The following CTSZ variants were observed in gnomAD, a reference collection of about 807,000 sequenced individuals.
CTSZ encodes cathepsin Z.
Under a neutral mutation model 32.4 loss-of-function variants are expected in CTSZ, and 39 were observed. The ratio of observed to expected loss-of-function variants is 1.20; its 90% CI spans 0.93 to 1.57. CTSZ has a LOEUF of 1.57. Among genes scored for constraint, CTSZ ranks in the 40% most tolerant of loss-of-function variants. CTSZ has a pLI of 0.00. For missense variants in CTSZ, 397 were observed against 419.6 expected (o/e 0.95, Z 0.47); for synonymous variants, 168 against 170.1 (o/e 0.99, Z 0.10).
chr20:59,002,266 C>T lies in CTSZ; in HGVS notation c.308-622G>A, dbSNP rs916145215. ...CTGGGCTCTAAATCCCAAGGTGCAG[C>T]CAGGGACAGCTCAGGGTGGTCACCG... On this transcript the variant is annotated intron_variant, in intron 2 of 5. Transcript: ENST00000217131. The surrounding 1 kb of genome is among the most constrained non-coding windows in gnomAD (Gnocchi z 4.1). Among the ~76,000 whole-genome samples the T allele has an allele frequency of 6.6e-5, 10 of 152,168 alleles. No individual in the cohort carries two copies. The highest frequency in any genetic ancestry group is 6.5e-4 in the Admixed American group (10 of 15,290).
chr20:58,999,180 C>T (rs903405736), intron 3 of CTSZ, among the ~76,000 whole-genome samples: 39 of 152,012 alleles, frequency 2.6e-4, no homozygotes, highest in African/African-American at 8.5e-4. Flanking sequence ...GGATTACAGG[C>T]GCATGCCACC....
At position 59,001,194 on chromosome 20, in the gene CTSZ, G is replaced by A. The variant is rs531833967; in HGVS notation, c.487+271C>T. ...CGTTGGGCTTCTCAACAGGGACTAC[G>A]GGGTCCAGTTTTCTGATCCCCAGCC... is the stretch of plus-strand genomic sequence containing the variant. On this transcript the variant is annotated intron_variant, in intron 3 of 5. Coordinates refer to ENST00000217131, the MANE Select transcript of CTSZ (RefSeq NM_001336.4). Among the ~76,000 whole-genome samples the A allele has an allele frequency of 9.2e-5, 14 of 152,294 alleles. No individual in the cohort carries two copies. In the South Asian group the frequency reaches 1.2e-3, roughly 14 times the overall value.
chr20:59,006,542 C>T, intron 1 of CTSZ, 57 bp from the exon 2 acceptor site: 4 of 1,549,050 alleles, frequency 2.6e-6, no homozygotes, highest in Non-Finnish European at 3.5e-6. Context: ...GGCCGTGGGC[C>T]CAGGAAGCCC....
rs1355066258 is a variant in CTSZ, at chr20:59,007,166, G to A, written c.-38C>T. 3 of 1,311,458 alleles carry A rather than the reference G, an allele frequency of 2.3e-6. No homozygotes were observed. Among genetic ancestry groups the A allele is most frequent in the Non-Finnish European group, 2.9e-6 (3 of 1,038,070 alleles). 81.2% of individuals were successfully genotyped at this position (1,311,458 alleles called of 1,614,324 possible). A position where few individuals can be genotyped will look rare whatever the true frequency, so the allele number is the denominator to read the frequency against. On this transcript the variant is annotated 5_prime_UTR_variant, in exon 1 of 6. Transcript: ENST00000217131. ...GCTCCTGGGTCCCGCTCCGGATCCC[G>A]CTCCGAGTCCCAGATCCCGCGCCGG... is the stretch of plus-strand genomic sequence containing the variant.
chr20:59,001,620 C>T lies in CTSZ; in HGVS notation c.332G>A (p.Gly111Glu). 6.2e-7 allele frequency: 1 copy of T among 1,614,034 alleles called. No individual in the cohort carries two copies. The highest frequency in any genetic ancestry group is 8.5e-7 in the Non-Finnish European group (1 of 1,179,934). ...MADRINIKRK[G>E]AWPSTLLSVQ... ...GGACAGGAGGGTGGAGGGCCACGCTCCCTTCCTCTTGATGTTGATCCGATC... is the reference window on the plus strand; with the variant it reads ...GGACAGGAGGGTGGAGGGCCACGCTTCCTTCCTCTTGATGTTGATCCGATC... Residue 111 changes from glycine (G) to glutamate (E), a missense_variant, in exon 3 of 6, where the codon GGA (glycine) becomes GAA (glutamate). By Grantham distance (98) the Gly-to-Glu change is moderately conservative. Coordinates refer to ENST00000217131, the MANE Select transcript of CTSZ (RefSeq NM_001336.4).
rs1555807498 is a variant in CTSZ, at chr20:58,998,552, AAAAG to A, written c.488-803_488-800del. Reference sequence around the variant, plus strand: ...CAAGAGCGAGACTCCGTCTCAAAAAAAAAGAAAGAAAGAAAGAAAGAAAGGACAG... The same window carrying A: ...CAAGAGCGAGACTCCGTCTCAAAAAAAAAGAAAGAAAGAAAGAAAGGACAG... On this transcript the variant is annotated intron_variant, in intron 3 of 5. Transcript: ENST00000217131. 1.3e-3 allele frequency among the ~76,000 whole-genome samples: 195 copies of A among 145,304 alleles called. 1 individual carries two copies. The highest frequency in any genetic ancestry group is 3.5e-3 in the Middle Eastern group (1 of 286).
chr20:59,006,261 G>T, intron 2 of CTSZ, 61 bp downstream of exon 2: 1 of 1,515,824 alleles, frequency 6.6e-7, no homozygotes, highest in Non-Finnish European at 8.8e-7. Context: ...AGCTGCCTGG[G>T]CCTATAAACA....
rs1006198659 is a variant in CTSZ at position 59,004,365 on chromosome 20, G to A, written c.307+1957C>T. Among the ~76,000 whole-genome samples the A allele has an allele frequency of 6.6e-6, 1 of 152,068 alleles. No homozygotes were observed. Among genetic ancestry groups the A allele is most frequent in the Non-Finnish European group, 1.5e-5 (1 of 67,996 alleles). ...AAGGAGTGGCCAGGGAGGTGGAGGC[G>A]GGCAGTATGGTGCAGGAGAAGGAAG... On this transcript the variant is annotated intron_variant, in intron 2 of 5. Coordinates refer to ENST00000217131, the MANE Select transcript of CTSZ (RefSeq NM_001336.4). The surrounding 1 kb of genome is among the most constrained non-coding windows in gnomAD (Gnocchi z 5.6).
rs1015425750 is a variant in CTSZ, at chr20:59,004,368, C to T, written c.307+1954G>A. ...GAGTGGCCAGGGAGGTGGAGGCGGG[C>T]AGTATGGTGCAGGAGAAGGAAGCAT... On this transcript the variant is annotated intron_variant, in intron 2 of 5. Transcript: ENST00000217131. This position sits in a 1 kb window ranked among gnomAD's most constrained non-coding sequence, Gnocchi z 5.6. 6.6e-6 allele frequency among the ~76,000 whole-genome samples: 1 copy of T among 151,604 alleles called. No homozygotes were observed. Among genetic ancestry groups the T allele is most frequent in the Non-Finnish European group, 1.5e-5 (1 of 67,880 alleles).
At chr20:59,006,514 G>C in intron 1 of CTSZ, 29 bp from the exon 2 acceptor site, 2 of 1,587,030 alleles carry the variant, frequency 1.3e-6, no homozygotes, top group Non-Finnish European at 1.7e-6. Flanking sequence ...CACCCAGATC[G>C]GTGCTGGGGC....
chr20:58,995,798 C>T lies in CTSZ; in HGVS notation c.802-39G>A, dbSNP rs771559473. The T allele has an allele frequency of 2.0e-5, 32 of 1,581,722 alleles. No homozygotes were observed. In the South Asian group the frequency reaches 2.5e-4, roughly 13 times the overall value. Reference sequence around the variant, plus strand: ...GATCGCGCGTCAGCCCATCTGCAGCCGTCTCCCGCTCCCCTTGCTGCCGTC... The same window carrying T: ...GATCGCGCGTCAGCCCATCTGCAGCTGTCTCCCGCTCCCCTTGCTGCCGTC... On this transcript the variant is annotated intron_variant, in intron 5 of 5. Transcript: ENST00000217131.
At chr20:59,000,674 C>T (rs1394508041) in intron 3 of CTSZ, among the ~76,000 whole-genome samples, 1 of 152,126 alleles carries the variant, frequency 6.6e-6, no homozygotes, top group African/African-American at 2.4e-5. Flanking sequence ...AACTCTCCCT[C>T]CACAAGGCCC....
chr20:59,005,796 A>G (rs555752352), intron 2 of CTSZ, among the ~76,000 whole-genome samples: 1 of 152,106 alleles, frequency 6.6e-6, no homozygotes, highest in Admixed American at 6.5e-5. Context: ...GTTGATAGGG[A>G]GGGCCTTAGT....
intron 5 of CTSZ, among the ~76,000 whole-genome samples, chr20:58,996,176 T>G (rs941973879): frequency 7.2e-5 from 11 of 152,222 alleles, no homozygotes; most frequent in Non-Finnish European, 2.9e-5. Context: ...GTCTGGCAGT[T>G]AATTTCTCTC....
chr20:58,996,738 C>G lies in CTSZ; in HGVS notation c.702G>C (p.Gln234His). 1.9e-6 allele frequency: 3 copies of G among 1,614,200 alleles called. No homozygotes were observed. Among genetic ancestry groups the G allele is most frequent in the Non-Finnish European group, 2.5e-6 (3 of 1,180,020 alleles). Residue 234 changes from glutamine (Q) to histidine (H), a missense_variant, in exon 5 of 6, where the codon CAG (glutamine) becomes CAC (histidine). By Grantham distance (24) the Gln-to-His change is conservative. Transcript: ENST00000217131. ...NYTGGIYAEYQDTTYINHVVS... is the reference protein window; with the variant it reads ...NYTGGIYAEYHDTTYINHVVS... ...CGACATGGTTTATATATGTGGTGTC[C>G]TGGTATTCGGCATAGATGCCTCCGG...
At position 58,995,344 on chromosome 20, in the gene CTSZ, A is replaced by C. The variant is rs188693450; in HGVS notation, c.*305T>G. 28 of 260,654 alleles carry C rather than the reference A, an allele frequency of 1.1e-4. 1 individual carries two copies. The South Asian group carries it at 3.2e-3, about 30-fold the overall frequency. The allele number at this position is 260,654 out of a possible 1,614,324, so 16.1% of individuals were successfully genotyped here. A position where few individuals can be genotyped will look rare whatever the true frequency, so the allele number is the denominator to read the frequency against. On this transcript the variant is annotated 3_prime_UTR_variant, in exon 6 of 6. Transcript: ENST00000217131. Reference sequence around the variant, plus strand: ...GCCATATTATTGCCCACAGTTGCCAAATACAAAATATCAAGTCCTCTGCTG... The same window carrying C: ...GCCATATTATTGCCCACAGTTGCCACATACAAAATATCAAGTCCTCTGCTG...
At chr20:59,001,324 G>T in intron 3 of CTSZ, 141 bp downstream of exon 3, 1 of 982,914 alleles carries the variant, frequency 1.0e-6, no homozygotes, top group Non-Finnish European at 1.5e-6. Context: ...CCTGGGGGCT[G>T]CAACCTCTGC....
At chr20:59,000,780 G>A (rs2091885214) in intron 3 of CTSZ, among the ~76,000 whole-genome samples, 2 of 151,808 alleles carry the variant, frequency 1.3e-5, no homozygotes, top group South Asian at 4.2e-4. Flanking sequence ...AGGGGCACAG[G>A]AGCAAGACAC....
In CTSZ at chr20:58,995,638, G is replaced by C; in HGVS notation, c.*11C>G. On this transcript the variant is annotated 3_prime_UTR_variant, in exon 6 of 6. Transcript: ENST00000217131. ...TGCCTTTTCTTAAACTGCGCTTCTA[G>C]TGACATGGCCTTAAACGATGGGGTC... The C allele has an allele frequency of 6.2e-7, 1 of 1,612,166 alleles. No individual in the cohort carries two copies. The highest frequency in any genetic ancestry group is 1.3e-5 in the African/African-American group (1 of 74,992).
Sources: gnomAD v4.1 joint callset for allele counts (sites outside exome capture counted in the v4.1 genomes callset) on GRCh38, gnomAD v4.1.1 for gene constraint, Gnocchi (gnomAD v3.1) non-coding constraint, MANE v1.5 for transcripts, NCBI Gene and HGNC (gene_info 2026-07-23, HGNC 2026-07-21) for gene names.